Variants in RBFOX1 observed in about 807,000 individuals in gnomAD.
The protein encoded by RBFOX1 is RNA binding protein fox-1 homolog 1.
Under a neutral mutation model 57.7 loss-of-function variants are expected in RBFOX1, and 8 were observed. The ratio of observed to expected loss-of-function variants is 0.14; its 90% CI spans 0.08 to 0.25. The LOEUF (loss-of-function observed/expected upper bound fraction) is 0.25. Among genes scored for constraint, RBFOX1 ranks in the 10% least tolerant of loss-of-function variants. The pLI is 1.00. For missense variants in RBFOX1, 611 were observed against 548.5 expected (o/e 1.11, Z -1.14); for synonymous variants, 326 against 222.4 (o/e 1.47, Z -4.15).
chr16:6,765,732 C>G (rs145404527), intron 3 of RBFOX1, among the ~76,000 whole-genome samples: 68 of 152,266 alleles, frequency 4.5e-4, no homozygotes, highest in African/African-American at 1.6e-3. Context: ...ACAGAATCAG[C>G]CTTAGTGCCC....
chr16:5,480,240 T>C (rs2069479832), intron 2 of RBFOX1, among the ~76,000 whole-genome samples: 1 of 152,180 alleles, frequency 6.6e-6, no homozygotes, highest in Non-Finnish European at 1.5e-5. Context: ...GTTGAAGCTT[T>C]TGACCAGGGG....
chr16:7,309,352 ACCTGGGCTG>A (rs2096261311), intron 4 of RBFOX1, among the ~76,000 whole-genome samples: 2 of 152,204 alleles, frequency 1.3e-5, no homozygotes, highest in Admixed American at 1.3e-4. Flanking sequence ...CTGCAGGGCC[ACCTGGGCTG>A]CCTCTGCTTT....
rs182073288 is a variant in RBFOX1, at chr16:7,484,979, C to A, written c.28-33168C>A. On this transcript the variant is annotated intron_variant, in intron 4 of 15. Coordinates refer to ENST00000550418, the MANE Select transcript of RBFOX1 (RefSeq NM_018723.4). ...AAACTATTGAGGAAAGAGATACTGT[C>A]TGGGTTTTCATAACTCAGTTGCATT... is the stretch of plus-strand genomic sequence containing the variant. 3.9e-5 allele frequency among the ~76,000 whole-genome samples: 6 copies of A among 152,228 alleles called. No homozygotes were observed. In the East Asian group the frequency reaches 1.2e-3, roughly 29 times the overall value.
At chr16:7,611,472 G>T (rs1391319622) in intron 10 of RBFOX1, among the ~76,000 whole-genome samples, 1 of 151,998 alleles carries the variant, frequency 6.6e-6, no homozygotes, top group Non-Finnish European at 1.5e-5. Flanking sequence ...CCAGCTACCT[G>T]GGAGGCTGAG....
At chr16:7,644,989 G>A (rs951922781) in intron 11 of RBFOX1, among the ~76,000 whole-genome samples, 19 of 152,186 alleles carry the variant, frequency 1.2e-4, no homozygotes, top group Non-Finnish European at 2.5e-4. Flanking sequence ...GGAGAAAAAA[G>A]AGACATTTTA....
intron 4 of RBFOX1, among the ~76,000 whole-genome samples, chr16:7,073,407 A>C (rs1333536086): frequency 6.6e-6 from 1 of 152,192 alleles, no homozygotes; most frequent in Non-Finnish European, 1.5e-5. Flanking sequence ...CAGGGTCAAG[A>C]GCATGCATGA....
chr16:7,105,810 C>G (rs962420059), intron 4 of RBFOX1, among the ~76,000 whole-genome samples: 4 of 151,794 alleles, frequency 2.6e-5, no homozygotes, highest in Admixed American at 2.0e-4. Context: ...AGAGATATCA[C>G]AGGTTCTTTA....
At chr16:6,494,173 C>G (rs1001765889) in intron 2 of RBFOX1, among the ~76,000 whole-genome samples, 6 of 152,164 alleles carry the variant, frequency 3.9e-5, no homozygotes, top group Admixed American at 6.5e-5. Flanking sequence ...AGTATCACAT[C>G]GTATCGAGGA....
At chr16:5,759,260 A>G (rs984352005) in intron 3 of RBFOX1, among the ~76,000 whole-genome samples, 1 of 152,240 alleles carries the variant, frequency 6.6e-6, no homozygotes, top group Non-Finnish European at 1.5e-5. Flanking sequence ...CAGAAGAACC[A>G]GTGGAAACAG....
chr16:6,334,106 A>G (rs920225848), intron 2 of RBFOX1, among the ~76,000 whole-genome samples: 8 of 152,308 alleles, frequency 5.3e-5, no homozygotes, highest in African/African-American at 1.9e-4. Context: ...CAACTTGGAG[A>G]GGAAATCTAA....
intron 13 of RBFOX1, among the ~76,000 whole-genome samples, chr16:7,674,184 C>T (rs368525091): frequency 3.3e-5 from 5 of 152,098 alleles, no homozygotes; most frequent in African/African-American, 1.2e-4. Flanking sequence ...AAAGGAAGAC[C>T]ATGCAGTAAA....
chr16:6,736,244 T>C (rs374925605), intron 3 of RBFOX1, among the ~76,000 whole-genome samples: 6 of 152,266 alleles, frequency 3.9e-5, no homozygotes, highest in East Asian at 3.9e-4. Context: ...GTAAGTTCTT[T>C]AGTGGTGATT....
At position 5,998,977 on chromosome 16, in the gene RBFOX1, T is replaced by A. The variant is rs188751087; in HGVS notation, c.351+131642T>A. On this transcript the variant is annotated intron_variant, in intron 4 of 19. Transcript: ENST00000641259. ...ATCTGCATTTCCCAGTCCAAAAAAA[T>A]CTATGTGGATGAACTGTTATGGGAA... Among the ~76,000 whole-genome samples the A allele has an allele frequency of 1.1e-3, 164 of 152,258 alleles. 1 individual carries two copies. The highest frequency in any genetic ancestry group is 4.6e-3 in the Admixed American group (70 of 15,292).
At chr16:5,968,896 C>G (rs1596317354) in intron 4 of RBFOX1, among the ~76,000 whole-genome samples, 1 of 152,050 alleles carries the variant, frequency 6.6e-6, no homozygotes, top group Non-Finnish European at 1.5e-5. Flanking sequence ...TTATTTATCT[C>G]TCTTTTTAAC....
chr16:7,504,739 A>ATATATT lies in RBFOX1; in HGVS notation c.28-13403_28-13402insTTATAT, dbSNP rs2072369948. ...TATATATATATATATATATATATATATATATATATATATATTTATATATAT... is the reference window on the plus strand; with the variant it reads ...TATATATATATATATATATATATATATATATTTATATATATATATATTTATATATAT... On this transcript the variant is annotated intron_variant, in intron 4 of 15. Coordinates refer to ENST00000550418, the MANE Select transcript of RBFOX1 (RefSeq NM_018723.4). Among the ~76,000 whole-genome samples, 8 of 7,916 alleles carry ATATATT rather than the reference A, an allele frequency of 1.0e-3. No individual in the cohort carries two copies. In the South Asian group the frequency reaches 0.013, roughly 12 times the overall value. 5.2% of individuals were successfully genotyped at this position (7,916 alleles called of 152,430 possible).
At chr16:5,341,684 G>C (rs952014462) in intron 1 of RBFOX1, among the ~76,000 whole-genome samples, 1 of 152,158 alleles carries the variant, frequency 6.6e-6, no homozygotes, top group African/African-American at 2.4e-5. Context: ...TTAGGGTGAG[G>C]GCATCTTCAT....
chr16:7,457,528 T>G (rs1187999091), intron 4 of RBFOX1, among the ~76,000 whole-genome samples: 2 of 152,210 alleles, frequency 1.3e-5, no homozygotes, highest in African/African-American at 4.8e-5. Context: ...ATGTTTGGGT[T>G]TCTTCATGCA....
chr16:6,038,567 A>C (rs959733079), intron 1 of RBFOX1: 6 of 146,472 alleles, frequency 4.1e-5, no homozygotes, highest in African/African-American at 1.5e-4. Context: ...ATATATATAT[A>C]TCATCCATAT....
chr16:6,098,050 T>C (rs2096265652), intron 1 of RBFOX1, among the ~76,000 whole-genome samples: 5 of 152,176 alleles, frequency 3.3e-5, no homozygotes, highest in Admixed American at 3.3e-4. Flanking sequence ...CAAGGGGTTA[T>C]GCTATTTTTC....
Sources: allele counts gnomAD v4.1 joint callset (sites outside exome capture counted in the v4.1 genomes callset), GRCh38; gene constraint gnomAD v4.1.1; transcripts MANE v1.5; gene names NCBI Gene and HGNC (gene_info 2026-07-23, HGNC 2026-07-21).